MERTK: variants seen among roughly 807,000 people sequenced by gnomAD.
The protein encoded by MERTK is MER proto-oncogene, tyrosine kinase, also known as tyrosine-protein kinase Mer.
MERTK carries 69 observed loss-of-function variants against 99.3 expected under a neutral mutation model. The observed-to-expected ratio is 0.70, with a 90% CI of 0.57 to 0.85. The LOEUF is 0.85. Among genes scored for constraint, MERTK ranks in the 40% least tolerant of loss-of-function variants. The pLI is 0.00. For missense variants in MERTK, 1,125 were observed against 1,249.4 expected, an observed-to-expected ratio of 0.90 and a Z score of 1.50; for synonymous variants, 426 against 467.6, an observed-to-expected ratio of 0.91 and a Z score of 1.15.
chr2:111,935,680 TGTGTG>T (rs1684752495), intron 2 of MERTK, among the ~76,000 whole-genome samples: 1 of 133,600 alleles, frequency 7.5e-6, no homozygotes, highest in South Asian at 2.4e-4. Flanking sequence ...TGTGTGTGTG[TGTGTG>T]TTTAAATTAT....
In MERTK at chr2:112,028,784, A is replaced by C. The variant is rs758036268; in HGVS notation, c.2920A>C (p.Met974Leu). ...RNGVSWSHSS[M>L]LPLGSSLPDE... Reference sequence around the variant, plus strand: ...TGGGGTCTCCTGGTCCCATTCGAGCATGCTGCCCTTGGGAAGCTCATTGCC... The same window carrying C: ...TGGGGTCTCCTGGTCCCATTCGAGCCTGCTGCCCTTGGGAAGCTCATTGCC... The change falls in exon 19 of 19, where the codon ATG becomes CTG. Residue 974 changes from methionine to leucine, a missense_variant. Transcript: ENST00000295408. The C allele has an allele frequency of 6.2e-7, 1 of 1,614,118 alleles. No individual in the cohort carries two copies. Among genetic ancestry groups the C allele is most frequent in the South Asian group, 1.1e-5 (1 of 91,080 alleles).
intron 1 of MERTK, among the ~76,000 whole-genome samples, chr2:111,910,265 T>A (rs1684216856): frequency 1.4e-5 from 1 of 69,744 alleles, no homozygotes; most frequent in African/African-American, 5.9e-5. Context: ...ACCCTGTCTC[T>A]GTTTTTTGTT....
chr2:111,966,870 C>G (rs1047452863), intron 5 of MERTK, among the ~76,000 whole-genome samples: 10 of 152,146 alleles, frequency 6.6e-5, no homozygotes, highest in African/African-American at 2.4e-4. Context: ...TTGATATGGT[C>G]TTGACACACC....
At chr2:112,007,802 C>G (rs1359349358) in intron 13 of MERTK, among the ~76,000 whole-genome samples, 1 of 151,774 alleles carries the variant, frequency 6.6e-6, no homozygotes, top group Non-Finnish European at 1.5e-5. Context: ...TTAAAAAAAG[C>G]AAATATAATT....
intron 6 of MERTK, among the ~76,000 whole-genome samples, chr2:111,970,317 C>T (rs1254481471): frequency 1.3e-5 from 2 of 151,910 alleles, no homozygotes; most frequent in African/African-American, 4.8e-5. Flanking sequence ...CCACCACGCC[C>T]ACCTAATTTT....
chr2:112,022,303 A>C lies in MERTK; in HGVS notation c.2395A>C (p.Thr799Pro). The C allele has an allele frequency of 6.2e-7, 1 of 1,613,826 alleles. No homozygotes were observed. The highest frequency in any genetic ancestry group is 8.5e-7 in the Non-Finnish European group (1 of 1,179,978). ...TMWEIATRGM[T>P]PYPGVQNHEM... ...GTGGGAAATAGCTACGCGGGGAATGACTCCCTATCCTGGGGTCCAGAACCA... is the reference window on the plus strand; with the variant it reads ...GTGGGAAATAGCTACGCGGGGAATGCCTCCCTATCCTGGGGTCCAGAACCA... The change falls in exon 18 of 19, where the codon ACT becomes CCT. Residue 799 changes from threonine (T) to proline (P), a missense_variant. Transcript: ENST00000295408.
At chr2:111,898,927 A>G in intron 1 of MERTK, 131 bp downstream of exon 1, 2 of 965,586 alleles carry the variant, frequency 2.1e-6, no homozygotes, top group Non-Finnish European at 3.0e-6. Flanking sequence ...CCCTCCACCC[A>G]CTGCGGTGCC....
At chr2:111,915,232 CCT>C (rs1334922334) in intron 1 of MERTK, among the ~76,000 whole-genome samples, 3 of 152,104 alleles carry the variant, frequency 2.0e-5, no homozygotes, top group Non-Finnish European at 2.9e-5. Context: ...GGTGATTTCC[CCT>C]GTTTTATTCC....
chr2:112,017,488 GGC>G, intron 15 of MERTK, among the ~76,000 whole-genome samples: 1 of 152,068 alleles, frequency 6.6e-6, no homozygotes, highest in Admixed American at 6.6e-5. Context: ...AAATTACCCG[GGC>G]GTGGTGGTGC....
At chr2:111,995,478 G>GTGAGCAAA (rs1316656157) in intron 9 of MERTK, 2 of 188,392 alleles carry the variant, frequency 1.1e-5, no homozygotes, top group African/African-American at 4.8e-5. Context: ...GACAGAACTT[G>GTGAGCAAA]TGAGCAAATG....
At chr2:111,979,787 AAG>A (rs1298484413) in intron 7 of MERTK, among the ~76,000 whole-genome samples, 1 of 152,098 alleles carries the variant, frequency 6.6e-6, no homozygotes, top group Non-Finnish European at 1.5e-5. Flanking sequence ...TCTCAATCAT[AAG>A]AGTCTTTTCT....
chr2:111,944,848 A>G (rs1343089520), intron 2 of MERTK, 112 bp from the exon 3 acceptor site: 2 of 892,578 alleles, frequency 2.2e-6, no homozygotes, highest in African/African-American at 1.7e-5. Context: ...CCAAGCTGAC[A>G]TATAAAATTA....
intron 1 of MERTK, among the ~76,000 whole-genome samples, chr2:111,924,498 C>T (rs1226121961): frequency 6.6e-6 from 1 of 152,156 alleles, no homozygotes; most frequent in Non-Finnish European, 1.5e-5. Flanking sequence ...CCTTCCTACT[C>T]TTCACTGACT....
intron 1 of MERTK, among the ~76,000 whole-genome samples, chr2:111,902,353 T>C (rs1174660101): frequency 6.6e-6 from 1 of 152,226 alleles, no homozygotes; most frequent in South Asian, 2.1e-4. Flanking sequence ...TGAACACACA[T>C]GTGAAACAGT....
At chr2:111,979,914 G>C (rs943183054) in intron 7 of MERTK, among the ~76,000 whole-genome samples, 1 of 152,126 alleles carries the variant, frequency 6.6e-6, no homozygotes, top group Non-Finnish European at 1.5e-5. Context: ...CTGATATTCA[G>C]TGGGGAGGCT....
chr2:111,902,932 C>T (rs1261498816), intron 1 of MERTK, among the ~76,000 whole-genome samples: 1 of 152,170 alleles, frequency 6.6e-6, no homozygotes, highest in Non-Finnish European at 1.5e-5. Context: ...GCACCTGCCA[C>T]CACAGCTGGC....
In MERTK at chr2:111,968,350, C is replaced by G. The variant is rs2104725598; in HGVS notation, c.960+98C>G. On this transcript the variant is annotated intron_variant, in intron 6 of 18. Coordinates refer to ENST00000295408, the MANE Select transcript of MERTK (RefSeq NM_006343.3). ...AAGGATGGGCATGGAGGGCATTTCT[C>G]CATCTCTGTACAGAGTCCCCTGACC... The G allele has an allele frequency of 7.4e-6, 7 of 951,618 alleles. No individual in the cohort carries two copies. The Middle Eastern group carries it at 6.3e-4, about 85-fold the overall frequency. 58.9% of individuals were successfully genotyped at this position (951,618 alleles called of 1,614,324 possible). A position where few individuals can be genotyped will look rare whatever the true frequency, so the allele number is the denominator to read the frequency against.
At position 112,020,920 on chromosome 2, in the gene MERTK, G is replaced by A. The variant is rs967204073; in HGVS notation, c.2190-502G>A. Among the ~76,000 whole-genome samples the A allele has an allele frequency of 6.6e-5, 10 of 152,000 alleles. No homozygotes were observed. In the South Asian group the frequency reaches 1.2e-3, roughly 19 times the overall value. On this transcript the variant is annotated intron_variant, in intron 16 of 18. Transcript: ENST00000295408. Reference sequence around the variant, plus strand: ...AAGACTGCATCACTTGAGGCTAGGCGTGGTAGCTCATACCTGTAATCCCAG... The same window carrying A: ...AAGACTGCATCACTTGAGGCTAGGCATGGTAGCTCATACCTGTAATCCCAG...
chr2:111,994,706 G>C, intron 9 of MERTK: 1 of 409,576 alleles, frequency 2.4e-6, no homozygotes, highest in Non-Finnish European at 4.7e-6. Context: ...TTGAACCCAG[G>C]AGGCAGAGAT....
Sources: gnomAD v4.1 joint callset for allele counts (sites outside exome capture counted in the v4.1 genomes callset) on GRCh38, gnomAD v4.1.1 for gene constraint, MANE v1.5 for transcripts, NCBI Gene and HGNC (gene_info 2026-07-23, HGNC 2026-07-21) for gene names.